Variants in MGAT4C observed in about 807,000 individuals in gnomAD.
MGAT4C encodes MGAT4 family member C, also known as alpha-1,3-mannosyl-glycoprotein 4-beta-N-acetylglucosaminyltransferase C.
In MGAT4C, 19 loss-of-function variants were observed where a neutral mutation model predicts 40.1. That is an observed-to-expected ratio of 0.47 (90% CI 0.33 to 0.70). The LOEUF is 0.70. Among genes scored for constraint, MGAT4C ranks in the 30% least tolerant of loss-of-function variants. The pLI is 0.02. For synonymous variants in MGAT4C, 181 were observed against 187.1 expected, an observed-to-expected ratio of 0.97 and a Z score of 0.27; for missense variants, 491 against 563.2, an observed-to-expected ratio of 0.87 and a Z score of 1.30.
At chr12:85,984,939 C>T (rs1410807191) in intron 3 of MGAT4C, among the ~76,000 whole-genome samples, 41 of 152,028 alleles carry the variant, frequency 2.7e-4, no homozygotes, top group Admixed American at 2.7e-3. Flanking sequence ...CCACCATGCC[C>T]AGCTAATTTT....
chr12:86,419,502 T>C (rs1412833559), intron 3 of MGAT4C, among the ~76,000 whole-genome samples: 1 of 151,912 alleles, frequency 6.6e-6, no homozygotes, highest in African/African-American at 2.4e-5. Context: ...TGCAACTCAG[T>C]GAGTTTTCCA....
At chr12:86,781,186 T>G (rs1357605587) in intron 1 of MGAT4C, among the ~76,000 whole-genome samples, 1 of 152,188 alleles carries the variant, frequency 6.6e-6, no homozygotes, top group East Asian at 1.9e-4. Context: ...GTAGTGGGAT[T>G]GCTGGATCAA....
At chr12:86,327,829 G>T (rs959851627) in intron 4 of MGAT4C, among the ~76,000 whole-genome samples, 2 of 151,994 alleles carry the variant, frequency 1.3e-5, no homozygotes, top group Admixed American at 6.6e-5. Flanking sequence ...TATCTTTGCT[G>T]CAAGTTCCTG....
intron 2 of MGAT4C, among the ~76,000 whole-genome samples, chr12:86,713,101 TACAC>T (rs3080043): frequency 2.1e-4 from 31 of 150,960 alleles, no homozygotes; most frequent in South Asian, 1.0e-3. Context: ...TGCACACACA[TACAC>T]ACACACACAC....
chr12:86,362,921 G>A (rs773508571), intron 3 of MGAT4C, among the ~76,000 whole-genome samples: 10 of 149,902 alleles, frequency 6.7e-5, no homozygotes, highest in Non-Finnish European at 1.5e-4. Flanking sequence ...TAGCTAAAGT[G>A]GATTTCAGCA....
chr12:86,149,741 C>T (rs1156236924), intron 1 of MGAT4C, among the ~76,000 whole-genome samples: 2 of 152,084 alleles, frequency 1.3e-5, no homozygotes, highest in East Asian at 3.9e-4. Context: ...TATAGTCATC[C>T]AAAACATGAC....
intron 2 of MGAT4C, among the ~76,000 whole-genome samples, chr12:86,014,063 T>C (rs1239188669): frequency 6.6e-6 from 1 of 152,172 alleles, no homozygotes; most frequent in Non-Finnish European, 1.5e-5. Flanking sequence ...CAGATTCTTA[T>C]TTTTGGTAGG....
intron 4 of MGAT4C, among the ~76,000 whole-genome samples, chr12:85,981,066 C>G (rs1424826479): frequency 6.6e-6 from 1 of 151,960 alleles, no homozygotes; most frequent in Non-Finnish European, 1.5e-5. Context: ...AGAAAGCAAA[C>G]AATATTATAA....
rs551408480 is a variant in MGAT4C, at chr12:86,203,729, G to A, written c.-57+52510C>T. On this transcript the variant is annotated intron_variant, in intron 1 of 4. Transcript: ENST00000611864. ...TCCCAGCACTTTGGGAGGTTGAGGCGGGCGGATCACCTGAGGTCAGGAGTT... is the reference window on the plus strand; with the variant it reads ...TCCCAGCACTTTGGGAGGTTGAGGCAGGCGGATCACCTGAGGTCAGGAGTT... Among the ~76,000 whole-genome samples, 7 of 151,804 alleles carry A rather than the reference G, an allele frequency of 4.6e-5. No individual in the cohort carries two copies. The South Asian group carries it at 1.0e-3, about 23-fold the overall frequency.
At chr12:86,324,514 G>T (rs1028303279) in intron 4 of MGAT4C, among the ~76,000 whole-genome samples, 2 of 151,772 alleles carry the variant, frequency 1.3e-5, no homozygotes, top group African/African-American at 4.8e-5. Flanking sequence ...TGCTAAACAT[G>T]TGAGTTAAAT....
chr12:86,221,748 A>G (rs1950884020), intron 1 of MGAT4C, among the ~76,000 whole-genome samples: 1 of 152,172 alleles, frequency 6.6e-6, no homozygotes, highest in African/African-American at 2.4e-5. Context: ...CTGTTTCTGT[A>G]TGTCACTTCC....
At chr12:86,463,119 C>A (rs907060966) in intron 2 of MGAT4C, among the ~76,000 whole-genome samples, 18 of 152,072 alleles carry the variant, frequency 1.2e-4, no homozygotes, top group Non-Finnish European at 4.4e-5. Context: ...TGGAGCCCAG[C>A]CGGGACACCC....
intron 2 of MGAT4C, among the ~76,000 whole-genome samples, chr12:86,564,329 A>G (rs1240371852): frequency 1.3e-5 from 2 of 152,116 alleles, no homozygotes; most frequent in African/African-American, 2.4e-5. Context: ...AAAGCCCACC[A>G]GAAGCAATTT....
At chr12:86,820,343 T>C (rs1349046505) in intron 1 of MGAT4C, among the ~76,000 whole-genome samples, 2 of 150,806 alleles carry the variant, frequency 1.3e-5, no homozygotes, top group African/African-American at 2.4e-5. Flanking sequence ...TGACTCAGTA[T>C]GACAAAGACT....
At position 85,977,587 on chromosome 12, in the gene MGAT4C, G is replaced by A. The variant is rs937153542; in HGVS notation, c.*1702C>T. 6.6e-6 allele frequency: 1 copy of A among 151,336 alleles called. No individual in the cohort carries two copies. Among genetic ancestry groups the A allele is most frequent in the South Asian group, 2.1e-4 (1 of 4,824 alleles). The allele number at this position is 151,336 out of a possible 1,614,324, so 9.4% of individuals were successfully genotyped here. On this transcript the variant is annotated 3_prime_UTR_variant, in exon 5 of 5. Coordinates refer to ENST00000611864, the MANE Select transcript of MGAT4C (RefSeq NM_001351288.2). ...AATACAAAGAAAATACACAACAGCT[G>A]TTTATAAATGAAATAAAAAGTTTCC...
rs368956406 is a variant in MGAT4C, at chr12:86,338,586, C to A, written c.-119-4459G>T. ...CCTCCCAAAGTTAGTTCAGCCTATG[C>A]CCAGGAATGAACAAGGACAGCTTGG... On this transcript the variant is annotated intron_variant, in intron 3 of 7. Coordinates refer to the MGAT4C transcript ENST00000548651. Among the ~76,000 whole-genome samples the A allele has an allele frequency of 3.9e-5, 6 of 152,142 alleles. No individual in the cohort carries two copies. The East Asian group carries it at 1.2e-3, about 29-fold the overall frequency.
At chr12:86,498,490 C>T (rs1958281081) in intron 2 of MGAT4C, among the ~76,000 whole-genome samples, 1 of 151,742 alleles carries the variant, frequency 6.6e-6, no homozygotes, top group African/African-American at 2.4e-5. Flanking sequence ...TCATTTAGTA[C>T]CATCAAATAT....
At chr12:86,697,313 GC>G (rs1323046152) in intron 2 of MGAT4C, among the ~76,000 whole-genome samples, 8 of 152,136 alleles carry the variant, frequency 5.3e-5, no homozygotes, top group Middle Eastern at 3.4e-3. Context: ...ATTCATATAT[GC>G]TGAGTGTTTC....
At chr12:86,153,181 A>T (rs762420326) in intron 1 of MGAT4C, among the ~76,000 whole-genome samples, 1 of 152,202 alleles carries the variant, frequency 6.6e-6, no homozygotes, top group African/African-American at 2.4e-5. Flanking sequence ...CTCTCAATTC[A>T]AACAGCTGTA....
Sources: allele counts gnomAD v4.1 joint callset (sites outside exome capture counted in the v4.1 genomes callset), GRCh38; gene constraint gnomAD v4.1.1; transcripts MANE v1.5; gene names NCBI Gene and HGNC (gene_info 2026-07-23, HGNC 2026-07-21).